Variants in AXIN2 observed in about 807,000 individuals in gnomAD.
AXIN2 encodes the protein axin 2.
A neutral mutation model predicts 74.7 loss-of-function variants in AXIN2; 21 were observed. The ratio of observed to expected loss-of-function variants is 0.28; its 90% CI spans 0.20 to 0.40. The LOEUF (loss-of-function observed/expected upper bound fraction) is 0.40. AXIN2 is among the 10% of genes least tolerant of loss of function. The pLI, the probability that AXIN2 is intolerant of heterozygous loss-of-function variation, is 1.00. For missense variants in AXIN2, 1,144 were observed against 1,111.1 expected (o/e 1.03, Z -0.42); for synonymous variants, 532 against 454.9 (o/e 1.17, Z -2.16).
intron 10 of AXIN2, among the ~76,000 whole-genome samples, chr17:65,531,779 C>T (rs2043822838): frequency 6.6e-6 from 1 of 152,140 alleles, no homozygotes; most frequent in Non-Finnish European, 1.5e-5. Flanking sequence ...GCAAACTTTG[C>T]TTTCTTCTGA....
chr17:65,550,120 T>C (rs1598110999), intron 2 of AXIN2, among the ~76,000 whole-genome samples: 1 of 152,214 alleles, frequency 6.6e-6, no homozygotes, highest in South Asian at 2.1e-4. Flanking sequence ...CTAAACTCCT[T>C]GTCTGGGGTC....
At chr17:65,547,075 C>A (rs1181092962) in intron 3 of AXIN2, among the ~76,000 whole-genome samples, 2 of 152,126 alleles carry the variant, frequency 1.3e-5, no homozygotes, top group Non-Finnish European at 2.9e-5. Flanking sequence ...ATCCAAAGTG[C>A]TTCAGCTAAA....
At chr17:65,548,290 ATAG>A in intron 3 of AXIN2, among the ~76,000 whole-genome samples, 1 of 152,342 alleles carries the variant, frequency 6.6e-6, no homozygotes, top group East Asian at 1.9e-4. Flanking sequence ...AGCAAAATAA[ATAG>A]TAGGTTCCCA....
intron 3 of AXIN2, among the ~76,000 whole-genome samples, chr17:65,549,256 A>C (rs528219766): frequency 6.6e-6 from 1 of 152,204 alleles, no homozygotes; most frequent in South Asian, 2.1e-4. Context: ...CATTCATCCT[A>C]ATCTTCTACT....
rs2044045441 is a variant in AXIN2 at position 65,541,641 on chromosome 17, G to C, written c.957-84C>G. ...ATGGGCTACTGTCATATGCCATCTTGAGATCCCGCCGACAGGGCCACATGC... is the reference window on the plus strand; with the variant it reads ...ATGGGCTACTGTCATATGCCATCTTCAGATCCCGCCGACAGGGCCACATGC... On this transcript the variant is annotated intron_variant, in intron 3 of 10. Coordinates refer to ENST00000307078, the MANE Select transcript of AXIN2 (RefSeq NM_004655.4). The C allele has an allele frequency of 1.1e-5, 13 of 1,149,354 alleles. No individual in the cohort carries two copies. The South Asian group carries it at 1.6e-4, about 14-fold the overall frequency. 71.2% of individuals were successfully genotyped at this position (1,149,354 alleles called of 1,614,324 possible).
At chr17:65,531,499 A>G (rs536725686) in intron 10 of AXIN2, among the ~76,000 whole-genome samples, 1 of 151,904 alleles carries the variant, frequency 6.6e-6, no homozygotes, top group East Asian at 1.9e-4. Context: ...AGTGGGGGGA[A>G]AAGTCACTTC....
rs4541111 is a variant in AXIN2 at position 65,538,420 on chromosome 17, C to A, written c.1060-77G>T. The A allele has an allele frequency of 0.48, 761,611 of 1,587,454 alleles. 188,006 individuals carry two copies. The highest frequency in any genetic ancestry group is 0.51 in the Non-Finnish European group (588,757 of 1,160,862). On this transcript the variant is annotated intron_variant, in intron 4 of 10. Coordinates refer to ENST00000307078, the MANE Select transcript of AXIN2 (RefSeq NM_004655.4). ...GCGGTGGCTTGGCCGGAGCTTCCCGCACCAGGCGCTGTGCACCGCAAACCC... is the reference window on the plus strand; with the variant it reads ...GCGGTGGCTTGGCCGGAGCTTCCCGAACCAGGCGCTGTGCACCGCAAACCC...
chr17:65,548,124 T>C (rs758083523), intron 3 of AXIN2, among the ~76,000 whole-genome samples: 1 of 152,268 alleles, frequency 6.6e-6, no homozygotes. Context: ...CATATCTCCA[T>C]ATTGGATGAA....
chr17:65,537,268 G>A (rs886551737), intron 6 of AXIN2, 56 bp downstream of exon 6: 26 of 1,610,258 alleles, frequency 1.6e-5, no homozygotes, highest in Non-Finnish European at 2.1e-5. Context: ...ACCTGCCCAT[G>A]GACCTGGCTG....
At chr17:65,551,809 A>G (rs1026506009) in intron 2 of AXIN2, among the ~76,000 whole-genome samples, 2 of 152,224 alleles carry the variant, frequency 1.3e-5, no homozygotes, top group African/African-American at 4.8e-5. Context: ...AGGCCTTGTC[A>G]GACTTGGCCA....
chr17:65,561,288 CG>C (rs1450695177), intron 1 of AXIN2, 161 bp downstream of exon 1: 1 of 145,920 alleles, frequency 6.9e-6, no homozygotes, highest in Non-Finnish European at 1.5e-5. Flanking sequence ...GCCACCGCTC[CG>C]CAGGGCCGCC....
At chr17:65,557,333 A>C (rs1454655172) in intron 2 of AXIN2, among the ~76,000 whole-genome samples, 1 of 152,182 alleles carries the variant, frequency 6.6e-6, no homozygotes, top group Non-Finnish European at 1.5e-5. Flanking sequence ...AGTTCAAAAA[A>C]AAATCCCACT....
Position 65,537,473 on chromosome 17 carries a change from G to C in AXIN2, c.1563C>G (p.His521Gln). The stretch of plus-strand genomic sequence containing the variant: ...CCTCCTTGGTCTTGGGGACGGCATG[G>C]TGGTGGATGTAGTGGTGGTGGACAT... ...TKHVHHHYIH[H>Q]HAVPKTKEEI... Residue 521 changes from histidine (H) to glutamine (Q), a missense_variant, in exon 6 of 11, where the codon CAC (histidine) becomes CAG (glutamine). Physicochemically the swap from His to Gln is conservative, Grantham distance 24 (BLOSUM62 0). Coordinates refer to ENST00000307078, the MANE Select transcript of AXIN2 (RefSeq NM_004655.4). 6.2e-7 allele frequency: 1 copy of C among 1,613,948 alleles called. No individual in the cohort carries two copies. The highest frequency in any genetic ancestry group is 2.2e-5 in the East Asian group (1 of 44,742).
chr17:65,549,939 A>AATC, intron 2 of AXIN2, among the ~76,000 whole-genome samples: 1 of 152,194 alleles, frequency 6.6e-6, no homozygotes, highest in East Asian at 1.9e-4. Flanking sequence ...GGATCCTGTG[A>AATC]AGCTCTAAAT....
chr17:65,549,466 T>A, intron 3 of AXIN2, 54 bp downstream of exon 3: 1 of 1,607,548 alleles, frequency 6.2e-7, no homozygotes. Flanking sequence ...GGCTAAGTGC[T>A]CAGGTGGCAT....
In AXIN2 at chr17:65,538,032, T is replaced by C. The variant is rs558511853; in HGVS notation, c.1200+171A>G. On this transcript the variant is annotated intron_variant, in intron 5 of 10. Coordinates refer to ENST00000307078, the MANE Select transcript of AXIN2 (RefSeq NM_004655.4). ...CATATGCACACCCACACGCAACCCA[T>C]GCACATGCGCACACAGCCCACGCCC... 6.0e-4 allele frequency: 813 copies of C among 1,365,082 alleles called. 6 individuals are homozygous for C. In the South Asian group the frequency reaches 6.0e-3, roughly 10 times the overall value. The allele number at this position is 1,365,082 out of a possible 1,614,324, so 84.6% of individuals were successfully genotyped here. A position where few individuals can be genotyped will look rare whatever the true frequency, so the allele number is the denominator to read the frequency against.
chr17:65,539,865 CACAG>C (rs1210779296), intron 4 of AXIN2, among the ~76,000 whole-genome samples: 5 of 152,316 alleles, frequency 3.3e-5, no homozygotes, highest in African/African-American at 1.2e-4. Context: ...TTGTAAACAG[CACAG>C]CCCTAAAATG....
Position 65,537,458 on chromosome 17 carries a change from C to T in AXIN2, c.1578G>A (p.Lys526=), listed in dbSNP as rs1555577678. The change falls in exon 6 of 11, where the codon AAG becomes AAA. Residue 526 remains lysine, a synonymous_variant. Transcript: ENST00000307078. ...HHYIHHHAVP[K]TKEEIEAEAT... is the part of the protein sequence containing the mutation. ...CCTCCGCCTCGATCTCCTCCTTGGT[C>T]TTGGGGACGGCATGGTGGTGGATGT... 6 of 1,613,928 alleles carry T rather than the reference C, an allele frequency of 3.7e-6. No individual in the cohort carries two copies. Among genetic ancestry groups the T allele is most frequent in the Non-Finnish European group, 5.1e-6 (6 of 1,179,990 alleles).
intron 2 of AXIN2, among the ~76,000 whole-genome samples, chr17:65,555,681 C>A (rs1394738209): frequency 6.6e-6 from 1 of 152,114 alleles, no homozygotes; most frequent in East Asian, 1.9e-4. Flanking sequence ...TACAGATGGG[C>A]ACATGCCATT....
Sources: gnomAD v4.1 joint callset for allele counts (sites outside exome capture counted in the v4.1 genomes callset) on GRCh38, gnomAD v4.1.1 for gene constraint, MANE v1.5 for transcripts, NCBI Gene and HGNC (gene_info 2026-07-23, HGNC 2026-07-21) for gene names.